The following SEC16A variants were observed in gnomAD, a reference collection of about 807,000 sequenced individuals.
SEC16A encodes the protein protein transport protein Sec16A.
In SEC16A, 110 loss-of-function variants were observed where a neutral mutation model predicts 221.9. The ratio of observed to expected loss-of-function variants is 0.50; its 90% confidence interval spans 0.42 to 0.58. The LOEUF is 0.58. Among genes scored for constraint, SEC16A ranks in the 20% least tolerant of loss-of-function variants. SEC16A has a pLI of 0.00. For missense variants in SEC16A, 3,165 were observed against 3,097.8 expected, an observed-to-expected ratio of 1.02 and a Z score of -0.52; for synonymous variants, 1,393 against 1,257.7, an observed-to-expected ratio of 1.11 and a Z score of -2.28.
intron 9 of SEC16A, 81 bp downstream of exon 9, chr9:136,464,339 A>G: frequency 1.5e-6 from 2 of 1,348,170 alleles, no homozygotes; most frequent in Admixed American, 5.1e-5. Flanking sequence ...AAGGTCTGAC[A>G]ATTGAAGATG....
chr9:136,468,585 C>A (rs1356372246), intron 4 of SEC16A, 73 bp from the exon 5 acceptor site: 1 of 999,694 alleles, frequency 1.0e-6, no homozygotes, highest in South Asian at 1.4e-5. Flanking sequence ...CAATACAAAT[C>A]ATTCCCAAAG....
Position 136,440,228 on chromosome 9 carries a change from C to T in SEC16A, c.*1527G>A, listed in dbSNP as rs556201629. ...AAAGTCGTGGCAGTCGACCCCAGAA[C>T]AGCGGGCAGAGCCGACCGGAAGAGG... On this transcript the variant is annotated 3_prime_UTR_variant, in exon 32 of 32. Transcript: ENST00000684901. 3.3e-5 allele frequency: 5 copies of T among 152,508 alleles called. No homozygotes were observed. In the South Asian group the frequency reaches 8.3e-4, roughly 25 times the overall value. The allele number at this position is 152,508 out of a possible 1,614,324, so 9.4% of individuals were successfully genotyped here. A position where few individuals can be genotyped will look rare whatever the true frequency, so the allele number is the denominator to read the frequency against.
intron 29 of SEC16A, among the ~76,000 whole-genome samples, 155 bp downstream of exon 29, chr9:136,445,490 T>A (rs534045230): frequency 2.0e-5 from 3 of 152,256 alleles, no homozygotes; most frequent in Non-Finnish European, 4.4e-5. Flanking sequence ...CAAGTGCAAT[T>A]TTTTTTCCCC....
At chr9:136,450,886 C>T (rs540222963) in intron 23 of SEC16A, among the ~76,000 whole-genome samples, 1 of 152,286 alleles carries the variant, frequency 6.6e-6, no homozygotes, top group East Asian at 1.9e-4. Flanking sequence ...GATCCCAGCC[C>T]CACACTGAAA....
Position 136,440,658 on chromosome 9 carries a change from G to A in SEC16A, c.*1097C>T, listed in dbSNP as rs569612018. 1 of 152,544 alleles carries A rather than the reference G, an allele frequency of 6.6e-6. No individual in the cohort carries two copies. The highest frequency in any genetic ancestry group is 1.5e-5 in the Non-Finnish European group (1 of 68,038). The allele number at this position is 152,544 out of a possible 1,614,324, so 9.4% of individuals were successfully genotyped here. On this transcript the variant is annotated 3_prime_UTR_variant, in exon 32 of 32. Transcript: ENST00000684901. ...GAGGCCCGTCTCTGAGTTGAACAGG[G>A]TTGAGTCCACCAGGAGCTACTCAAA... is the stretch of plus-strand genomic sequence containing the variant.
At chr9:136,453,983 G>A in intron 21 of SEC16A, 126 bp downstream of exon 21, 2 of 896,948 alleles carry the variant, frequency 2.2e-6, no homozygotes, top group East Asian at 2.6e-5. Context: ...AGAATTTCTG[G>A]TCTACGTTAA....
At chr9:136,446,800 T>C (rs1837053531) in intron 28 of SEC16A, 55 bp downstream of exon 28, 2 of 1,528,212 alleles carry the variant, frequency 1.3e-6, no homozygotes, top group Admixed American at 2.1e-5. Flanking sequence ...TCTGGCAGGA[T>C]GGGGAGGTGC....
At chr9:136,458,274 T>C (rs1411592533) in intron 17 of SEC16A, among the ~76,000 whole-genome samples, 2 of 151,942 alleles carry the variant, frequency 1.3e-5, no homozygotes, top group Non-Finnish European at 2.9e-5. Flanking sequence ...CAGCCTCTCA[T>C]GTATGTTTTA....
chr9:136,441,965 C>A, intron 31 of SEC16A, 142 bp from the exon 32 acceptor site: 1 of 709,724 alleles, frequency 1.4e-6, no homozygotes. Context: ...GTTTTTGTTT[C>A]CAAAAGCCTC....
chr9:136,450,061 T>C (rs1452450281), intron 23 of SEC16A, among the ~76,000 whole-genome samples: 1 of 151,756 alleles, frequency 6.6e-6, no homozygotes, highest in Non-Finnish European at 1.5e-5. Context: ...AAAAATTAGC[T>C]GGGAGTGGGG....
rs778580994 is a variant in SEC16A at position 136,477,461 on chromosome 9, G to C, written c.155C>G (p.Thr52Arg). The change falls in exon 3 of 32, where the codon ACG becomes AGG. Residue 52 changes from threonine to arginine, a missense_variant. Physicochemically the swap from Thr to Arg is moderately conservative, Grantham distance 71. Around this residue, in one of 3 missense-constraint regions of SEC16A, gnomAD observed 2,030 missense variants for 1,923.1 expected, o/e 1.06. Transcript: ENST00000684901. ...APTTCPLQPV[T>R]DPFAFSRQAL... ...CTGTCTACTAAAAGCAAATGGATCC[G>C]TGACCGGCTGCAACGGGCAAGTTGT... is the stretch of plus-strand genomic sequence containing the variant. The C allele has an allele frequency of 5.6e-6, 9 of 1,614,030 alleles. No individual in the cohort carries two copies. The highest frequency in any genetic ancestry group is 2.2e-5 in the East Asian group (1 of 44,886).
At position 136,451,344 on chromosome 9, in the gene SEC16A, G is replaced by A; in HGVS notation, c.6224C>T (p.Pro2075Leu). 1 of 1,613,778 alleles carries A rather than the reference G, an allele frequency of 6.2e-7. No homozygotes were observed. Among genetic ancestry groups the A allele is most frequent in the Non-Finnish European group, 8.5e-7 (1 of 1,179,808 alleles). Residue 2075 changes from proline (P) to leucine (L), a missense_variant, in exon 23 of 32, where the codon CCC becomes CTC. By Grantham distance (98) the Pro-to-Leu change is moderately conservative. Coordinates refer to ENST00000684901, the MANE Select transcript of SEC16A (RefSeq NM_014866.2). ...PPGWDRADSGPTQPPLSLSPA... is the reference protein window; with the variant it reads ...PPGWDRADSGLTQPPLSLSPA... ...TGAGAGAGACAGAGGTGGCTGCGTG[G>A]GACCCGAGTCGGCACGATCCCACCC... is the stretch of plus-strand genomic sequence containing the variant.
In SEC16A at chr9:136,475,460, T is replaced by C; in HGVS notation, c.2156A>G (p.Glu719Gly). The C allele has an allele frequency of 6.2e-7, 1 of 1,608,734 alleles. No individual in the cohort carries two copies. The highest frequency in any genetic ancestry group is 1.1e-5 in the South Asian group (1 of 90,712). ...SARTQGPVKCESPATTLWAQS... is the reference protein window; with the variant it reads ...SARTQGPVKCGSPATTLWAQS... ...CGCCCACAGAGTCGTTGCTGGGCTC[T>C]CACACTTCACGGGCCCCTGGGTCCT... Residue 719 changes from glutamate (E) to glycine (G), a missense_variant, in exon 3 of 32, where the codon GAG becomes GGG. By Grantham distance (98) the Glu-to-Gly change is moderately conservative. Around this residue, in one of 3 missense-constraint regions of SEC16A, gnomAD observed 2,030 missense variants for 1,923.1 expected, o/e 1.06. Transcript: ENST00000684901. This position sits in a 1 kb window ranked among gnomAD's most constrained non-coding sequence, Gnocchi z 5.0.
chr9:136,456,790 G>A (rs776941693), intron 18 of SEC16A, among the ~76,000 whole-genome samples: 1 of 152,230 alleles, frequency 6.6e-6, no homozygotes, highest in Non-Finnish European at 1.5e-5. Flanking sequence ...ACTGAGGCCT[G>A]CAGCAGTACA....
At chr9:136,481,226 C>A (rs929331589) in intron 1 of SEC16A, among the ~76,000 whole-genome samples, 2 of 151,562 alleles carry the variant, frequency 1.3e-5, no homozygotes, top group African/African-American at 4.9e-5. Context: ...GCTCCGCCCC[C>A]CGGGGTTCAC....
chr9:136,459,157 T>A lies in SEC16A; in HGVS notation c.5386A>T (p.Thr1796Ser), dbSNP rs373191908. ...ACCTGGAAACTAGGCAGGGGGCAGG[T>A]CTCGGCACCCAGGGACTGGGCGTAC... ...YEYAQSLGAE[T>S]CPLPSFQVFK... Residue 1796 changes from threonine to serine, a missense_variant, in exon 17 of 32, where the codon ACC (threonine) becomes TCC (serine). By Grantham distance (58) the Thr-to-Ser change is moderately conservative. Transcript: ENST00000684901. This position sits in a 1 kb window ranked among gnomAD's most constrained non-coding sequence, Gnocchi z 6.1. The A allele has an allele frequency of 6.0e-5, 97 of 1,612,188 alleles. 1 individual carries two copies. The Middle Eastern group carries it at 6.6e-4, about 11-fold the overall frequency.
Position 136,441,653 on chromosome 9 carries a change from G to A in SEC16A, c.*102C>T. 1.0e-6 allele frequency: 1 copy of A among 968,664 alleles called. No homozygotes were observed. Among genetic ancestry groups the A allele is most frequent in the South Asian group, 1.3e-5 (1 of 74,142 alleles). 60.0% of individuals were successfully genotyped at this position (968,664 alleles called of 1,614,324 possible). A position where few individuals can be genotyped will look rare whatever the true frequency, so the allele number is the denominator to read the frequency against. On this transcript the variant is annotated 3_prime_UTR_variant, in exon 32 of 32. Transcript: ENST00000684901. ...GTGCGACCAGCTCTGAGTCACTGCT[G>A]TGTCTCCCTGGGGGCGGGACGGAGA...
intron 20 of SEC16A, 55 bp downstream of exon 20, chr9:136,455,546 A>G: frequency 1.4e-6 from 2 of 1,473,612 alleles, no homozygotes; most frequent in Non-Finnish European, 1.8e-6. Flanking sequence ...GCCATGGCTC[A>G]GCCCACAGGA....
At chr9:136,483,898 G>A (rs527877816), upstream of SEC16A, 4 of 726,974 alleles carry the variant, frequency 5.5e-6, no homozygotes, top group African/African-American at 5.7e-5. Context: ...CGCGGGCACC[G>A]AGCGGCGCCG....
Sources: allele counts gnomAD v4.1 joint callset (sites outside exome capture counted in the v4.1 genomes callset), GRCh38; gene constraint gnomAD v4.1.1; regional missense constraint gnomAD v4.1.1; non-coding constraint Gnocchi (gnomAD v3.1); transcripts MANE v1.5; gene names NCBI Gene and HGNC (gene_info 2026-07-23, HGNC 2026-07-21).